Variants in GOLGA6L9 observed in about 807,000 individuals in gnomAD.
GOLGA6L9 encodes the protein golgin A6 family like 9.
GOLGA6L9 carries 19 observed loss-of-function variants against 51.3 expected under a neutral mutation model. That is an observed-to-expected ratio of 0.37 (90% confidence interval 0.26 to 0.54). The LOEUF (loss-of-function observed/expected upper bound fraction) is 0.54. Ranked by LOEUF, GOLGA6L9 falls within the 20% of genes least tolerant of loss-of-function variation. GOLGA6L9 has a pLI of 0.83. For synonymous variants in GOLGA6L9, 97 were observed against 184.2 expected (o/e 0.53, Z 3.83); for missense variants, 247 against 464.1 (o/e 0.53, Z 4.30).
intron 7 of GOLGA6L9, chr15:82,435,376 C>T: frequency 9.4e-6 from 3 of 320,796 alleles, no homozygotes; most frequent in South Asian, 5.4e-5. Flanking sequence ...CCTGGTGGTG[C>T]ATGCCTGTAA....
At position 82,434,861 on chromosome 15, in the gene GOLGA6L9, C is replaced by G; in HGVS notation, c.1003-8C>G. 1.4e-6 allele frequency: 2 copies of G among 1,463,708 alleles called. No homozygotes were observed. Among genetic ancestry groups the G allele is most frequent in the African/African-American group, 1.4e-5 (1 of 72,284 alleles). 90.7% of individuals were successfully genotyped at this position (1,463,708 alleles called of 1,614,324 possible). ...GTGGGTGGCCACTGATTGCTTCTTT[C>G]TGTCCAGAACAACGAGAACAAGAGC... On this transcript the variant is annotated splice_region_variant and splice_polypyrimidine_tract_variant and intron_variant, in intron 6 of 8. Transcript: ENST00000618348.
At chr15:82,416,459 T>C in the GOLGA6L9 span, among the ~76,000 whole-genome samples, 5 of 152,124 alleles carry the variant, frequency 3.3e-5, no homozygotes, top group African/African-American at 1.2e-4. Context: ...ATGAGACACA[T>C]TGTGCTCACA....
chr15:82,416,743 G>T, the GOLGA6L9 span, among the ~76,000 whole-genome samples: 2 of 152,176 alleles, frequency 1.3e-5, no homozygotes, highest in African/African-American at 4.8e-5. Context: ...TGTGATTCTA[G>T]ATAGATTACT....
At chr15:82,417,114 T>C in the GOLGA6L9 span, among the ~76,000 whole-genome samples, 2 of 152,226 alleles carry the variant, frequency 1.3e-5, no homozygotes, top group Admixed American at 6.5e-5. Context: ...AATGTGGCAT[T>C]TTGTAATTGA....
chr15:82,433,081 C>T (rs2150827976), intron 4 of GOLGA6L9, among the ~76,000 whole-genome samples, 184 bp downstream of exon 4: 2 of 151,618 alleles, frequency 1.3e-5, no homozygotes, highest in East Asian at 3.9e-4. Flanking sequence ...TCTGCACTGC[C>T]CTCTTTGCTG....
rs2031728675 is a variant in GOLGA6L9 at position 82,437,261 on chromosome 15, AGGC to A, written c.*851_*853del. Reference sequence around the variant, plus strand: ...AAAGGGATTATTTCTGAGGAATGAAAGGCTCCCATCATGACTGTGGATGTGGAA... The same window carrying A: ...AAAGGGATTATTTCTGAGGAATGAAATCCCATCATGACTGTGGATGTGGAA... On this transcript the variant is annotated 3_prime_UTR_variant, in exon 9 of 9. Transcript: ENST00000618348. The A allele has an allele frequency of 2.9e-5, 4 of 139,768 alleles. No individual in the cohort carries two copies. Among genetic ancestry groups the A allele is most frequent in the Non-Finnish European group, 6.1e-5 (4 of 65,046 alleles). The allele number at this position is 139,768 out of a possible 1,614,324, so 8.7% of individuals were successfully genotyped here.
chr15:82,436,360 C>G lies in GOLGA6L9; in HGVS notation c.1248C>G (p.Cys416Trp). ...EAAGGAGEAA[C>W]HSFRAAENRE... ...CAGGAGGAGCAGGAGAGGCTGCATG[C>G]CATTCTTTTCGGGCTGCCGAGAACA... The change falls in exon 9 of 9, where the codon TGC becomes TGG. Residue 416 changes from cysteine to tryptophan, a missense_variant. This residue lies in a region of GOLGA6L9 where 20 missense variants were observed against 25.1 expected (regional missense o/e 0.80). Coordinates refer to ENST00000618348, the MANE Select transcript of GOLGA6L9 (RefSeq NM_198181.4). 1.3e-6 allele frequency: 2 copies of G among 1,596,618 alleles called. No individual in the cohort carries two copies. Among genetic ancestry groups the G allele is most frequent in the Non-Finnish European group, 1.7e-6 (2 of 1,178,054 alleles).
intron 7 of GOLGA6L9, 92 bp downstream of exon 7, chr15:82,435,021 G>A: frequency 2.4e-6 from 2 of 841,474 alleles, no homozygotes; most frequent in Middle Eastern, 3.3e-4. Flanking sequence ...CAGGCCACAG[G>A]CAGCTGCAGC....
At position 82,436,682 on chromosome 15, in the gene GOLGA6L9, G is replaced by T. The variant is rs2031702655; in HGVS notation, c.*271G>T. The T allele has an allele frequency of 4.0e-6, 1 of 250,684 alleles. No homozygotes were observed. The highest frequency in any genetic ancestry group is 2.4e-5 in the African/African-American group (1 of 41,884). The allele number at this position is 250,684 out of a possible 1,614,324, so 15.5% of individuals were successfully genotyped here. A position where few individuals can be genotyped will look rare whatever the true frequency, so the allele number is the denominator to read the frequency against. On this transcript the variant is annotated 3_prime_UTR_variant, in exon 9 of 9. Transcript: ENST00000618348. ...TTTGTAAAAAGTTAAATGAGAGTGG[G>T]TCTTTCTCTCATGTTCACTCTGGCA...
the GOLGA6L9 span, among the ~76,000 whole-genome samples, chr15:82,424,247 T>C: frequency 4.0e-4 from 61 of 151,644 alleles, no homozygotes; most frequent in Admixed American, 1.5e-3. Context: ...ATTTTTTGTA[T>C]TTTTAGTAAA....
At chr15:82,430,310 T>A in intron 1 of GOLGA6L9, 147 bp downstream of exon 1, 1 of 305,922 alleles carries the variant, frequency 3.3e-6, no homozygotes, top group Non-Finnish European at 5.6e-6. Context: ...CAAAGCCTAG[T>A]CAGTCAGCCC....
Position 82,429,950 on chromosome 15 carries a change from C to G in GOLGA6L9, c.-130C>G. 1 of 1,113,412 alleles carries G rather than the reference C, an allele frequency of 9.0e-7. No individual in the cohort carries two copies. Among genetic ancestry groups the G allele is most frequent in the South Asian group, 1.2e-5 (1 of 81,204 alleles). The allele number at this position is 1,113,412 out of a possible 1,614,324, so 69.0% of individuals were successfully genotyped here. A position where few individuals can be genotyped will look rare whatever the true frequency, so the allele number is the denominator to read the frequency against. On this transcript the variant is annotated 5_prime_UTR_variant, in exon 1 of 9. Coordinates refer to ENST00000618348, the MANE Select transcript of GOLGA6L9 (RefSeq NM_198181.4). ...TTCATCTTTCTCACTGACCAATGGG[C>G]TTGGAACATTAAGGCCACGCCCCTA...
chr15:82,433,372 C>G (rs1272461199), intron 4 of GOLGA6L9, among the ~76,000 whole-genome samples, 190 bp from the exon 5 acceptor site: 40 of 152,104 alleles, frequency 2.6e-4, no homozygotes, highest in Middle Eastern at 3.4e-3. Flanking sequence ...CCTGTCTGTC[C>G]TTTGCTGTTT....
upstream of GOLGA6L9, among the ~76,000 whole-genome samples, chr15:82,429,203 T>C (rs2031307614): frequency 6.6e-6 from 1 of 151,594 alleles, no homozygotes; most frequent in Non-Finnish European, 1.5e-5. Flanking sequence ...GCCTCCCAAA[T>C]AGCTGGGATT....
At chr15:82,433,016 G>A in intron 4 of GOLGA6L9, 119 bp downstream of exon 4, 2 of 979,962 alleles carry the variant, frequency 2.0e-6, no homozygotes, top group South Asian at 1.4e-5. Flanking sequence ...GGGGAGCTGG[G>A]CACCCAGGTC....
the GOLGA6L9 span, among the ~76,000 whole-genome samples, chr15:82,424,073 A>ATTTTGT: frequency 1.4e-5 from 2 of 146,482 alleles, no homozygotes; most frequent in South Asian, 2.3e-4. Context: ...ATTTAAGCTG[A>ATTTTGT]TTTTGTTTTT....
Position 82,429,917 on chromosome 15 carries a change from C to G in GOLGA6L9, c.-163C>G. 1 of 907,362 alleles carries G rather than the reference C, an allele frequency of 1.1e-6. No individual in the cohort carries two copies. Among genetic ancestry groups the G allele is most frequent in the Non-Finnish European group, 1.8e-6 (1 of 544,964 alleles). The allele number at this position is 907,362 out of a possible 1,614,324, so 56.2% of individuals were successfully genotyped here. A position where few individuals can be genotyped will look rare whatever the true frequency, so the allele number is the denominator to read the frequency against. On this transcript the variant is annotated 5_prime_UTR_variant, in exon 1 of 9. Transcript: ENST00000618348. The stretch of plus-strand genomic sequence containing the variant: ...GACATGCTGCGCCTGGCCACGCCTC[C>G]TTTCCCTTTCATCTTTCTCACTGAC...
At chr15:82,418,100 G>T in the GOLGA6L9 span, among the ~76,000 whole-genome samples, 1 of 152,132 alleles carries the variant, frequency 6.6e-6, no homozygotes, top group Non-Finnish European at 1.5e-5. Flanking sequence ...GATTCTCCAG[G>T]GCAAGGGAGT....
intron 5 of GOLGA6L9, 135 bp from the exon 6 acceptor site, chr15:82,433,899 A>G: frequency 8.1e-7 from 1 of 1,239,888 alleles, no homozygotes; most frequent in Non-Finnish European, 1.1e-6. Context: ...ATTGTCTACC[A>G]TCCGGGTGTG....
Sources: allele counts gnomAD v4.1 joint callset (sites outside exome capture counted in the v4.1 genomes callset), GRCh38; gene constraint gnomAD v4.1.1; regional missense constraint gnomAD v4.1.1; transcripts MANE v1.5; gene names NCBI Gene and HGNC (gene_info 2026-07-23, HGNC 2026-07-21).